COX6C: variants seen among roughly 807,000 people sequenced by gnomAD.
COX6C encodes cytochrome c oxidase polypeptide VIc.
In COX6C, 3 loss-of-function variants were observed where a neutral mutation model predicts 6.9. The ratio of observed to expected loss-of-function variants is 0.43; its 90% CI spans 0.20 to 1.12. The LOEUF (loss-of-function observed/expected upper bound fraction) is 1.12, where lower values mean the gene tolerates loss of function less well. Ranked by LOEUF, COX6C falls within the 50% of genes most tolerant of loss-of-function variation. COX6C has a pLI of 0.27. For synonymous variants in COX6C, 32 were observed against 32.0 expected (o/e 1.00, Z 0.00); for missense variants, 101 against 97.3 (o/e 1.04, Z -0.16).
At chr8:99,888,193 T>C (rs1817973629) in intron 2 of COX6C, among the ~76,000 whole-genome samples, 1 of 152,102 alleles carries the variant, frequency 6.6e-6, no homozygotes. Context: ...TGCTACTTGA[T>C]GGAGTAACGC....
chr8:99,886,942 T>C (rs904423698), intron 3 of COX6C: 1 of 152,268 alleles, frequency 6.6e-6, no homozygotes, highest in African/African-American at 2.4e-5. Flanking sequence ...AACTTAACAC[T>C]ACTAAACTGT....
chr8:99,891,172 G>A (rs1247430025), intron 2 of COX6C, among the ~76,000 whole-genome samples: 1 of 152,168 alleles, frequency 6.6e-6, no homozygotes, highest in Non-Finnish European at 1.5e-5. Context: ...GAATCTAAAC[G>A]TTTTTTGGAA....
chr8:99,884,482 A>T (rs57548954), intron 3 of COX6C, among the ~76,000 whole-genome samples: 3,831 of 152,330 alleles, frequency 0.025, 162 homozygotes, highest in African/African-American at 0.088. Flanking sequence ...CTGCTAAAAA[A>T]ATTAGCAAAT....
Position 99,893,682 on chromosome 8 carries a change from G to C in COX6C, c.-75C>G, listed in dbSNP as rs951141088. Reference sequence around the variant, plus strand: ...CCTGACTAAAGGAAAAACGAACCGTGCTGTAGCCGCGCGCAGGCGCAGAAT... The same window carrying C: ...CCTGACTAAAGGAAAAACGAACCGTCCTGTAGCCGCGCGCAGGCGCAGAAT... On this transcript the variant is annotated 5_prime_UTR_variant, in exon 1 of 4. Coordinates refer to ENST00000520468, the MANE Select transcript of COX6C (RefSeq NM_004374.4). 1 of 152,316 alleles carries C rather than the reference G, an allele frequency of 6.6e-6. No homozygotes were observed. The highest frequency in any genetic ancestry group is 1.5e-5 in the Non-Finnish European group (1 of 68,088). The allele number at this position is 152,316 out of a possible 1,614,324, so 9.4% of individuals were successfully genotyped here. A position where few individuals can be genotyped will look rare whatever the true frequency, so the allele number is the denominator to read the frequency against.
intron 2 of COX6C, 143 bp from the exon 3 acceptor site, chr8:99,887,761 G>A (rs1817966623): frequency 2.0e-6 from 1 of 512,504 alleles, no homozygotes; most frequent in Non-Finnish European, 3.3e-6. Flanking sequence ...GGTGGAGGTG[G>A]TGACAGATAA....
chr8:99,891,557 G>A (rs1014554301), intron 2 of COX6C, among the ~76,000 whole-genome samples: 2 of 152,124 alleles, frequency 1.3e-5, no homozygotes, highest in Non-Finnish European at 2.9e-5. Context: ...GAAAAGAAAG[G>A]GAAAGAAGTT....
chr8:99,887,478 T>A lies in COX6C; in HGVS notation c.*15+12A>T. ...AAATTTTTTTTTAAGTAACTTCAAATAACCATATTACCTTTATATTCCAAG... is the reference window on the plus strand; with the variant it reads ...AAATTTTTTTTTAAGTAACTTCAAAAAACCATATTACCTTTATATTCCAAG... On this transcript the variant is annotated intron_variant, in intron 3 of 3. Transcript: ENST00000520468. 6.8e-7 allele frequency: 1 copy of A among 1,468,520 alleles called. No homozygotes were observed. Among genetic ancestry groups the A allele is most frequent in the South Asian group, 1.3e-5 (1 of 76,250 alleles). The allele number at this position is 1,468,520 out of a possible 1,614,324, so 91.0% of individuals were successfully genotyped here.
rs187708074 is a variant in COX6C, at chr8:99,890,226, G to A, written c.114+1682C>T. Among the ~76,000 whole-genome samples, 11 of 152,234 alleles carry A rather than the reference G, an allele frequency of 7.2e-5. No individual in the cohort carries two copies. The East Asian group carries it at 1.9e-3, about 27-fold the overall frequency. Reference sequence around the variant, plus strand: ...AATCCGCCCACCTCAGCTTCCCAAAGTGCCAGGATTACAGGCATGAGACAC... The same window carrying A: ...AATCCGCCCACCTCAGCTTCCCAAAATGCCAGGATTACAGGCATGAGACAC... On this transcript the variant is annotated intron_variant, in intron 2 of 3. Transcript: ENST00000520468.
chr8:99,881,607 T>TCCCCATGG (rs1294701079), intron 3 of COX6C, among the ~76,000 whole-genome samples: 2 of 151,982 alleles, frequency 1.3e-5, no homozygotes, highest in Non-Finnish European at 2.9e-5. Flanking sequence ...TTTCATGTAA[T>TCCCCATGG]CCCCATGGTA....
chr8:99,883,431 G>A (rs1048745635), intron 3 of COX6C, among the ~76,000 whole-genome samples: 2 of 138,076 alleles, frequency 1.4e-5, no homozygotes, highest in African/African-American at 5.9e-5. Flanking sequence ...GTGTATATAT[G>A]TATGTGTGTG....
At chr8:99,883,433 A>ATGTGTGTGTGTGTG (rs1272786254) in intron 3 of COX6C, among the ~76,000 whole-genome samples, 25 of 145,748 alleles carry the variant, frequency 1.7e-4, no homozygotes, top group African/African-American at 6.4e-4. Context: ...GTATATATGT[A>ATGTGTGTGTGTGTG]TGTGTGTGTG....
chr8:99,892,080 G>A lies in COX6C; in HGVS notation c.-31-28C>T, dbSNP rs946689482. ...TAAGAGATTCAGAAAATATGATTAA[G>A]TACAGAGTTTATTTAAGCCACAAAC... is the stretch of plus-strand genomic sequence containing the variant. On this transcript the variant is annotated intron_variant, in intron 1 of 3. Transcript: ENST00000520468. 14 of 1,354,512 alleles carry A rather than the reference G, an allele frequency of 1.0e-5. No individual in the cohort carries two copies. The South Asian group carries it at 1.6e-4, about 15-fold the overall frequency. 83.9% of individuals were successfully genotyped at this position (1,354,512 alleles called of 1,614,324 possible).
At chr8:99,881,710 G>T (rs1029372937) in intron 3 of COX6C, among the ~76,000 whole-genome samples, 3 of 152,154 alleles carry the variant, frequency 2.0e-5, no homozygotes, top group Admixed American at 2.0e-4. Context: ...CAAAGAAGCT[G>T]TAAGACACAT....
intron 3 of COX6C, among the ~76,000 whole-genome samples, chr8:99,879,669 T>C (rs1817828246): frequency 6.6e-6 from 1 of 152,226 alleles, no homozygotes; most frequent in African/African-American, 2.4e-5. Context: ...TTGCTCACTC[T>C]TGCCAAATGC....
intron 2 of COX6C, among the ~76,000 whole-genome samples, chr8:99,890,866 G>T (rs778894460): frequency 1.3e-5 from 2 of 152,206 alleles, no homozygotes; most frequent in Non-Finnish European, 2.9e-5. Flanking sequence ...GTGTCAAACA[G>T]AACTATAATC....
intron 2 of COX6C, 71 bp from the exon 3 acceptor site, chr8:99,887,689 A>G: frequency 9.5e-7 from 1 of 1,049,350 alleles, no homozygotes; most frequent in East Asian, 2.6e-5. Flanking sequence ...TATAATATAT[A>G]AAGACAAGGT....
Position 99,887,555 on chromosome 8 carries a change from T to C in COX6C, c.178A>G (p.Lys60Glu). 1.2e-6 allele frequency: 2 copies of C among 1,611,480 alleles called. No individual in the cohort carries two copies. The highest frequency in any genetic ancestry group is 2.7e-5 in the African/African-American group (2 of 74,730). ...ADFYRNYDVM[K>E]DFEEMRKAGI... ...GCCTTCCTCATCTCCTCAAAATCTT[T>C]CATGACATCGTAGTTTCTGTAGAAA... Residue 60 changes from lysine to glutamate, a missense_variant, in exon 3 of 4, where the codon AAA (lysine) becomes GAA (glutamate). By Grantham distance (56) the Lys-to-Glu change is moderately conservative. Transcript: ENST00000520468.
intron 3 of COX6C, among the ~76,000 whole-genome samples, chr8:99,880,659 G>C (rs575244297): frequency 9.2e-5 from 14 of 151,834 alleles, no homozygotes; most frequent in Admixed American, 9.2e-4. Flanking sequence ...CTGAGCCTAG[G>C]AGTTCAAGAC....
At chr8:99,890,831 C>T (rs957135403) in intron 2 of COX6C, among the ~76,000 whole-genome samples, 47 of 152,298 alleles carry the variant, frequency 3.1e-4, no homozygotes, top group African/African-American at 1.1e-3. Context: ...AGTGTTAAAA[C>T]GCAATTCTGT....
Sources: gnomAD v4.1 joint callset for allele counts (sites outside exome capture counted in the v4.1 genomes callset) on GRCh38, gnomAD v4.1.1 for gene constraint, MANE v1.5 for transcripts, NCBI Gene and HGNC (gene_info 2026-07-23, HGNC 2026-07-21) for gene names.